TRIM2: variants seen among roughly 807,000 people sequenced by gnomAD.
TRIM2 encodes the protein tripartite motif-containing protein 2.
A neutral mutation model predicts 75.2 loss-of-function variants in TRIM2; 20 were observed. The observed-to-expected ratio is 0.27, with a 90% CI of 0.19 to 0.39. The LOEUF (loss-of-function observed/expected upper bound fraction) is 0.39, where lower values mean the gene tolerates loss of function less well. TRIM2 is among the 10% of genes least tolerant of loss of function. TRIM2 has a pLI of 1.00. For missense variants in TRIM2, 660 were observed against 990.8 expected, an observed-to-expected ratio of 0.67 and a Z score of 4.48; for synonymous variants, 373 against 388.3, an observed-to-expected ratio of 0.96 and a Z score of 0.46.
Position 153,336,917 on chromosome 4 carries a change from A to G in TRIM2, c.*1951A>G. On this transcript the variant is annotated 3_prime_UTR_variant, in exon 12 of 12. Coordinates refer to ENST00000338700, the MANE Select transcript of TRIM2 (RefSeq NM_015271.5). ...AATTCAATAACTTTTTAGAATGTTA[A>G]ATGAAGACACTGTTTCCTAACATCA... 1 of 984,948 alleles carries G rather than the reference A, an allele frequency of 1.0e-6. No individual in the cohort carries two copies. Among genetic ancestry groups the G allele is most frequent in the Non-Finnish European group, 1.2e-6 (1 of 829,356 alleles). 61.0% of individuals were successfully genotyped at this position (984,948 alleles called of 1,614,324 possible).
intron 1 of TRIM2, among the ~76,000 whole-genome samples, chr4:153,245,123 C>T (rs756907612): frequency 6.6e-6 from 1 of 152,234 alleles, no homozygotes; most frequent in East Asian, 1.9e-4. Flanking sequence ...TTGCACCAGT[C>T]AGGAGCAGCT....
chr4:153,309,299 C>G (rs1278435773), intron 6 of TRIM2, among the ~76,000 whole-genome samples: 1 of 152,068 alleles, frequency 6.6e-6, no homozygotes, highest in African/African-American at 2.4e-5. Flanking sequence ...TATTCTTCCC[C>G]CTGTCTCTGA....
At chr4:153,333,294 G>A (rs1185564586) in intron 11 of TRIM2, among the ~76,000 whole-genome samples, 1 of 152,214 alleles carries the variant, frequency 6.6e-6, no homozygotes, top group Non-Finnish European at 1.5e-5. Context: ...AAGGAAAACA[G>A]ATTAGTGGTT....
chr4:153,180,686 C>T lies in TRIM2; in HGVS notation c.-49+27416C>T, dbSNP rs535400689. On this transcript the variant is annotated intron_variant, in intron 1 of 11. Transcript: ENST00000437508. Reference sequence around the variant, plus strand: ...AGAGAGGGTGTTTCGCCATGTTGGCCAGGTTGGTCTCCTACTCCTGAGCTC... The same window carrying T: ...AGAGAGGGTGTTTCGCCATGTTGGCTAGGTTGGTCTCCTACTCCTGAGCTC... 2.0e-5 allele frequency among the ~76,000 whole-genome samples: 3 copies of T among 152,310 alleles called. No individual in the cohort carries two copies. The East Asian group carries it at 5.8e-4, about 29-fold the overall frequency.
chr4:153,322,835 T>C lies in TRIM2; in HGVS notation c.1951+19T>C. On this transcript the variant is annotated intron_variant, in intron 9 of 11. Coordinates refer to ENST00000338700, the MANE Select transcript of TRIM2 (RefSeq NM_015271.5). Reference sequence around the variant, plus strand: ...TTTGCAGGTACACTCGATGGTAATATGTAAACCCCCTTTTTTATGCTTCTT... The same window carrying C: ...TTTGCAGGTACACTCGATGGTAATACGTAAACCCCCTTTTTTATGCTTCTT... The C allele has an allele frequency of 2.5e-6, 4 of 1,613,638 alleles. No homozygotes were observed. The highest frequency in any genetic ancestry group is 3.4e-6 in the Non-Finnish European group (4 of 1,179,704).
intron 1 of TRIM2, among the ~76,000 whole-genome samples, chr4:153,246,976 G>A (rs1749341504): frequency 6.6e-6 from 1 of 152,196 alleles, no homozygotes; most frequent in African/African-American, 2.4e-5. Context: ...TTCATTTGGA[G>A]GAGGATGTGG....
chr4:153,190,740 T>C (rs1733096514), intron 1 of TRIM2, among the ~76,000 whole-genome samples: 1 of 152,118 alleles, frequency 6.6e-6, no homozygotes, highest in African/African-American at 2.4e-5. Flanking sequence ...TTTTCTTTTT[T>C]TATTTTGTAT....
At chr4:153,330,548 TA>T (rs1329687650) in intron 11 of TRIM2, among the ~76,000 whole-genome samples, 3 of 152,086 alleles carry the variant, frequency 2.0e-5, no homozygotes, top group Non-Finnish European at 1.5e-5. Flanking sequence ...GGCTGCCCTT[TA>T]AAAAATAAAA....
At chr4:153,257,490 A>C in intron 1 of TRIM2, 1 of 1,275,016 alleles carries the variant, frequency 7.8e-7, no homozygotes, top group Non-Finnish European at 1.0e-6. Flanking sequence ...ATTCCTGCCG[A>C]CTTCCAGCCT....
intron 1 of TRIM2, among the ~76,000 whole-genome samples, chr4:153,238,814 T>G (rs149739574): frequency 4.9e-4 from 74 of 152,298 alleles, no homozygotes; most frequent in African/African-American, 1.6e-3. Context: ...TTTAAGTCAC[T>G]GCAAGAGGCC....
chr4:153,293,022 G>A lies in TRIM2; in HGVS notation c.494G>A (p.Cys165Tyr). The change falls in exon 4 of 12, where the codon TGT (cysteine) becomes TAT (tyrosine). Residue 165 changes from cysteine (C) to tyrosine (Y), a missense_variant. This residue lies in a region of TRIM2 where 620 missense variants were observed against 891.0 expected (regional missense o/e 0.70). Coordinates refer to ENST00000338700, the MANE Select transcript of TRIM2 (RefSeq NM_015271.5). ...TGCCAGTCCTGTGAGACTGCCATGTGTCGGGAGTGCACGGAGGGGGAGCAC... is the reference window on the plus strand; with the variant it reads ...TGCCAGTCCTGTGAGACTGCCATGTATCGGGAGTGCACGGAGGGGGAGCAC... ...FYCQSCETAM[C>Y]RECTEGEHAE... 6.2e-7 allele frequency: 1 copy of A among 1,613,452 alleles called. No individual in the cohort carries two copies.
At chr4:153,221,988 G>A (rs1175002301) in intron 1 of TRIM2, among the ~76,000 whole-genome samples, 3,563 of 101,010 alleles carry the variant, frequency 0.035, 45 homozygotes, top group Middle Eastern at 0.081. Flanking sequence ...GGAAGGAAGG[G>A]AGAGAGGAAG....
At chr4:153,291,818 T>G (rs565448057) in intron 3 of TRIM2, among the ~76,000 whole-genome samples, 2 of 152,320 alleles carry the variant, frequency 1.3e-5, no homozygotes, top group South Asian at 4.1e-4. Flanking sequence ...CAAAGCCAGG[T>G]GCCATCTGAG....
At chr4:153,249,320 T>C (rs1027505346) in intron 1 of TRIM2, among the ~76,000 whole-genome samples, 4 of 152,002 alleles carry the variant, frequency 2.6e-5, no homozygotes, top group Non-Finnish European at 5.9e-5. Flanking sequence ...CCTGTTGCTA[T>C]GGAGCCCGGG....
chr4:153,220,997 C>T (rs1053162438), intron 1 of TRIM2, among the ~76,000 whole-genome samples: 2 of 151,964 alleles, frequency 1.3e-5, no homozygotes, highest in Admixed American at 6.6e-5. Context: ...AGGTAAATAC[C>T]CAAGAGAAAT....
At chr4:153,257,605 A>C in intron 1 of TRIM2, 1 of 1,288,872 alleles carries the variant, frequency 7.8e-7, no homozygotes, top group Non-Finnish European at 1.0e-6. Flanking sequence ...GCTGCACTGC[A>C]TGGTAGGGAA....
intron 1 of TRIM2, among the ~76,000 whole-genome samples, chr4:153,194,030 G>GC (rs1211614125): frequency 1.3e-5 from 2 of 152,134 alleles, no homozygotes; most frequent in African/African-American, 4.8e-5. Context: ...TCCACTGATG[G>GC]CCCCCAGGGA....
chr4:153,277,303 C>G (rs1428425299), intron 3 of TRIM2, among the ~76,000 whole-genome samples: 3 of 152,220 alleles, frequency 2.0e-5, no homozygotes, highest in African/African-American at 7.2e-5. Flanking sequence ...CTCCTGCACA[C>G]AGCAGTCTTC....
At chr4:153,320,977 G>T (rs116369037) in intron 8 of TRIM2, among the ~76,000 whole-genome samples, 1 of 152,260 alleles carries the variant, frequency 6.6e-6, no homozygotes, top group African/African-American at 2.4e-5. Context: ...CCTCCAACAC[G>T]TCAAGCCTGG....
Sources: allele counts gnomAD v4.1 joint callset (sites outside exome capture counted in the v4.1 genomes callset), GRCh38; gene constraint gnomAD v4.1.1; regional missense constraint gnomAD v4.1.1; transcripts MANE v1.5; gene names NCBI Gene and HGNC (gene_info 2026-07-23, HGNC 2026-07-21).